The following SOX5 variants were observed in gnomAD, a reference collection of about 807,000 sequenced individuals.
SOX5 encodes transcription factor SOX-5.
A neutral mutation model predicts 92.0 loss-of-function variants in SOX5; 9 were observed. That is an observed-to-expected ratio of 0.10 (90% CI 0.06 to 0.17). The LOEUF is 0.17. SOX5 is among the 10% of genes least tolerant of loss of function. The probability of loss-of-function intolerance (pLI) is 1.00; values close to 1 mark genes in which losing one functional copy is unlikely to be tolerated. For synonymous variants in SOX5, 344 were observed against 336.3 expected (o/e 1.02, Z -0.25); for missense variants, 642 against 944.5 (o/e 0.68, Z 4.20).
intron 1 of SOX5, among the ~76,000 whole-genome samples, chr12:24,451,047 T>C (rs548531364): frequency 6.6e-6 from 1 of 152,308 alleles, no homozygotes; most frequent in African/African-American, 2.4e-5. Flanking sequence ...ATATGTGATA[T>C]TTGTCTTTCT....
At chr12:24,176,377 T>A (rs35198700) in intron 4 of SOX5, among the ~76,000 whole-genome samples, 7,892 of 152,032 alleles carry the variant, frequency 0.052, 214 homozygotes, top group African/African-American at 0.074. Context: ...AAGATAAAAA[T>A]GTCGGGGTGG....
At chr12:24,496,406 A>G (rs1947641866) in intron 1 of SOX5, among the ~76,000 whole-genome samples, 1 of 152,190 alleles carries the variant, frequency 6.6e-6, no homozygotes, top group African/African-American at 2.4e-5. Flanking sequence ...GTTGAAAATT[A>G]AAACACTTCC....
At chr12:24,297,867 C>T (rs565577838) in intron 2 of SOX5, among the ~76,000 whole-genome samples, 2 of 152,278 alleles carry the variant, frequency 1.3e-5, no homozygotes, top group East Asian at 1.9e-4. Context: ...AACATCAATG[C>T]GCTCACCCTT....
chr12:23,550,788 T>TA (rs1469247898), intron 11 of SOX5, among the ~76,000 whole-genome samples: 3 of 151,886 alleles, frequency 2.0e-5, no homozygotes, highest in African/African-American at 4.8e-5. Context: ...TTAAAAAAAA[T>TA]AAAAAACAAC....
chr12:23,979,906 T>C (rs76751973), intron 4 of SOX5, among the ~76,000 whole-genome samples: 7 of 14,246 alleles, frequency 4.9e-4, no homozygotes, highest in East Asian at 0.021. Flanking sequence ...GCTGGCTGGC[T>C]GGCTGGCCAG....
At chr12:23,886,932 G>T (rs534155584) in intron 2 of SOX5, among the ~76,000 whole-genome samples, 1 of 152,074 alleles carries the variant, frequency 6.6e-6, no homozygotes, top group Admixed American at 6.6e-5. Flanking sequence ...AAACAATACA[G>T]GGTTTCAAGT....
intron 3 of SOX5, among the ~76,000 whole-genome samples, chr12:24,226,769 C>A (rs1448591068): frequency 3.9e-5 from 6 of 152,180 alleles, no homozygotes; most frequent in Non-Finnish European, 8.8e-5. Flanking sequence ...CCACGCCCGG[C>A]CTGTACAAAT....
At chr12:24,519,110 C>T (rs921972491) in intron 1 of SOX5, among the ~76,000 whole-genome samples, 2 of 152,040 alleles carry the variant, frequency 1.3e-5, no homozygotes, top group Admixed American at 6.6e-5. Context: ...CATCCTAAAA[C>T]CCTAGAAATA....
intron 4 of SOX5, among the ~76,000 whole-genome samples, chr12:24,136,301 T>C (rs111233958): frequency 0.012 from 1,758 of 152,322 alleles, 31 homozygotes; most frequent in African/African-American, 0.037. Flanking sequence ...TCATGGGTTT[T>C]CATTCCACCA....
intron 3 of SOX5, among the ~76,000 whole-genome samples, chr12:24,260,161 A>G (rs1485631363): frequency 6.6e-6 from 1 of 152,182 alleles, no homozygotes; most frequent in Non-Finnish European, 1.5e-5. Flanking sequence ...AACAGAATAA[A>G]AGCTGTATCT....
rs147569403 is a variant in SOX5, at chr12:24,071,127, T to G, written c.-2+142216A>C. Among the ~76,000 whole-genome samples the G allele has an allele frequency of 2.0e-5, 3 of 152,356 alleles. No individual in the cohort carries two copies. The East Asian group carries it at 5.8e-4, about 29-fold the overall frequency. ...AACTTGCTCAACATAAAGCTGCATG[T>G]AAAATTCTGCATTTATTATACTTAA... On this transcript the variant is annotated intron_variant, in intron 4 of 4. Coordinates refer to the SOX5 transcript ENST00000446891.
intron 1 of SOX5, among the ~76,000 whole-genome samples, chr12:23,910,987 C>A (rs2138388472): frequency 6.6e-6 from 1 of 152,150 alleles, no homozygotes; most frequent in East Asian, 1.9e-4. Flanking sequence ...TGTAGTAGCC[C>A]ACTTTCAGAA....
At chr12:24,029,473 CTA>C (rs1192928232) in intron 4 of SOX5, among the ~76,000 whole-genome samples, 1 of 151,734 alleles carries the variant, frequency 6.6e-6, no homozygotes, top group East Asian at 1.9e-4. Flanking sequence ...TGAGACCTCC[CTA>C]TGTTACCCAG....
chr12:24,451,117 G>T (rs1247765507), intron 1 of SOX5, among the ~76,000 whole-genome samples: 1 of 152,200 alleles, frequency 6.6e-6, no homozygotes, highest in Admixed American at 6.5e-5. Context: ...TGCTGCAAAT[G>T]ACAGGATCTC....
intron 1 of SOX5, among the ~76,000 whole-genome samples, chr12:24,427,613 C>T (rs1003674931): frequency 1.3e-5 from 2 of 152,194 alleles, no homozygotes; most frequent in South Asian, 2.1e-4. Flanking sequence ...AGGACAGCTG[C>T]CATTCTATTT....
chr12:23,844,663 T>C (rs1448775572), intron 3 of SOX5, among the ~76,000 whole-genome samples: 1 of 152,216 alleles, frequency 6.6e-6, no homozygotes, highest in Non-Finnish European at 1.5e-5. Context: ...CTAAACTCAG[T>C]TACTGAAGCA....
intron 4 of SOX5, among the ~76,000 whole-genome samples, chr12:24,041,982 A>AAAT (rs1486374987): frequency 1.3e-5 from 2 of 152,112 alleles, no homozygotes; most frequent in African/African-American, 4.8e-5. Context: ...GTAAAGCCCC[A>AAAT]AATTAATCAT....
At chr12:24,288,798 A>G (rs2140484295) in intron 2 of SOX5, among the ~76,000 whole-genome samples, 1 of 151,780 alleles carries the variant, frequency 6.6e-6, no homozygotes, top group South Asian at 2.1e-4. Flanking sequence ...GCCCCTCCCC[A>G]CCACCTGCAC....
intron 1 of SOX5, among the ~76,000 whole-genome samples, chr12:24,548,996 T>C (rs1402469442): frequency 1.3e-5 from 2 of 152,166 alleles, no homozygotes; most frequent in Non-Finnish European, 2.9e-5. Flanking sequence ...TCCCTTCCAC[T>C]CTGCTTCAGC....
Sources: allele counts gnomAD v4.1 joint callset (sites outside exome capture counted in the v4.1 genomes callset), GRCh38; gene constraint gnomAD v4.1.1; transcripts MANE v1.5; gene names NCBI Gene and HGNC (gene_info 2026-07-23, HGNC 2026-07-21).